NKAIN2: variants seen among roughly 807,000 people sequenced by gnomAD.
NKAIN2 encodes sodium/potassium transporting ATPase interacting 2.
A neutral mutation model predicts 32.6 loss-of-function variants in NKAIN2; 14 were observed. The ratio of observed to expected loss-of-function variants is 0.43; its 90% CI spans 0.28 to 0.67. The LOEUF is 0.67. NKAIN2 is among the 30% of genes least tolerant of loss of function. The pLI, the probability that NKAIN2 is intolerant of heterozygous loss-of-function variation, is 0.17. For synonymous variants in NKAIN2, 80 were observed against 87.2 expected (o/e 0.92, Z 0.46); for missense variants, 198 against 258.3 (o/e 0.77, Z 1.60).
chr6:124,543,865 G>A (rs1458051324), intron 3 of NKAIN2, among the ~76,000 whole-genome samples: 1 of 152,126 alleles, frequency 6.6e-6, no homozygotes, highest in African/African-American at 2.4e-5. Context: ...GCTAATATCT[G>A]ACTTGCCTAT....
At chr6:124,801,089 G>A (rs971784215) in intron 5 of NKAIN2, among the ~76,000 whole-genome samples, 14 of 152,040 alleles carry the variant, frequency 9.2e-5, no homozygotes, top group African/African-American at 2.4e-4. Context: ...CCGTCACCCC[G>A]ACTGTCCTAT....
chr6:124,366,966 T>G (rs1214261644), intron 3 of NKAIN2, among the ~76,000 whole-genome samples: 1 of 151,768 alleles, frequency 6.6e-6, no homozygotes, highest in African/African-American at 2.4e-5. Context: ...TTTAAAATGC[T>G]GAATAACTCT....
rs979502534 is a variant in NKAIN2 at position 124,098,683 on chromosome 6, A to C, written c.55-184322A>C. On this transcript the variant is annotated intron_variant, in intron 1 of 6. Transcript: ENST00000368417. ...CAGGAATTTGAGACCAGCCTGGCCAATATGGTGAAACCTCATCTCTACTAA... is the reference window on the plus strand; with the variant it reads ...CAGGAATTTGAGACCAGCCTGGCCACTATGGTGAAACCTCATCTCTACTAA... 2.6e-5 allele frequency among the ~76,000 whole-genome samples: 4 copies of C among 152,208 alleles called. No homozygotes were observed. The East Asian group carries it at 7.7e-4, about 29-fold the overall frequency.
chr6:124,323,477 T>A (rs933232877), intron 2 of NKAIN2, among the ~76,000 whole-genome samples: 6 of 152,196 alleles, frequency 3.9e-5, no homozygotes, highest in Non-Finnish European at 1.5e-5. Flanking sequence ...GCATAAGATA[T>A]ACAGTTTAGG....
At chr6:124,059,352 A>G (rs542418217) in intron 1 of NKAIN2, among the ~76,000 whole-genome samples, 14 of 152,132 alleles carry the variant, frequency 9.2e-5, no homozygotes, top group African/African-American at 3.4e-4. Context: ...TTCTGTTCCA[A>G]TAAGATACCA....
At chr6:124,410,001 C>G (rs1333423021) in intron 3 of NKAIN2, among the ~76,000 whole-genome samples, 1 of 152,170 alleles carries the variant, frequency 6.6e-6, no homozygotes, top group African/African-American at 2.4e-5. Context: ...ATAGTATTCT[C>G]TGATGGTAGT....
chr6:124,580,938 A>C (rs145899065), intron 3 of NKAIN2, among the ~76,000 whole-genome samples: 263 of 152,314 alleles, frequency 1.7e-3, no homozygotes, highest in African/African-American at 6.0e-3. Context: ...AAAATAGACA[A>C]AGAAGGTCAT....
At chr6:124,623,483 C>T (rs1045901689) in intron 3 of NKAIN2, among the ~76,000 whole-genome samples, 1 of 152,064 alleles carries the variant, frequency 6.6e-6, no homozygotes, top group Non-Finnish European at 1.5e-5. Flanking sequence ...AAAGAAAAGG[C>T]ATAGTTCCAC....
Position 124,812,733 on chromosome 6 carries a change from C to CT in NKAIN2, c.536-5644dup, listed in dbSNP as rs55927751. ...AGCCAAACACCAACTCCCTTTTGAC[C>CT]TTTTTTTTTTCTTTAAAAGCAGCAA... On this transcript the variant is annotated intron_variant, in intron 5 of 6. Coordinates refer to ENST00000368417, the MANE Select transcript of NKAIN2 (RefSeq NM_001040214.3). Among the ~76,000 whole-genome samples the CT allele has an allele frequency of 6.2e-3, 925 of 149,754 alleles. 7 individuals carry two copies. The highest frequency in any genetic ancestry group is 0.035 in the Middle Eastern group (10 of 286).
chr6:123,905,527 TTC>T (rs1430611917), intron 1 of NKAIN2, among the ~76,000 whole-genome samples: 3 of 149,876 alleles, frequency 2.0e-5, no homozygotes, highest in African/African-American at 7.6e-5. Context: ...TTGAAAAGAG[TTC>T]AGAACAAAAG....
chr6:124,742,682 CACAA>C (rs1234317658), intron 4 of NKAIN2, among the ~76,000 whole-genome samples: 3 of 151,810 alleles, frequency 2.0e-5, no homozygotes, highest in Non-Finnish European at 2.9e-5. Context: ...ACTCCTCTGT[CACAA>C]ACATATTGTG....
intron 1 of NKAIN2, among the ~76,000 whole-genome samples, chr6:124,076,997 A>G (rs1582594727): frequency 1.4e-5 from 2 of 147,208 alleles, no homozygotes; most frequent in Admixed American, 6.6e-5. Flanking sequence ...CTTTATAACT[A>G]TTTTTTAGAT....
chr6:124,479,893 C>A (rs1281057880), intron 3 of NKAIN2, among the ~76,000 whole-genome samples: 2 of 151,704 alleles, frequency 1.3e-5, no homozygotes, highest in Admixed American at 6.6e-5. Flanking sequence ...ATGTATTAGA[C>A]CTAATTAGAA....
At chr6:124,766,921 T>A (rs1778538465) in intron 4 of NKAIN2, among the ~76,000 whole-genome samples, 1 of 152,070 alleles carries the variant, frequency 6.6e-6, no homozygotes, top group Non-Finnish European at 1.5e-5. Flanking sequence ...TTTGACGGAG[T>A]TTTGCTCTTG....
chr6:124,187,349 C>T (rs1388390774), intron 1 of NKAIN2, among the ~76,000 whole-genome samples: 4 of 152,110 alleles, frequency 2.6e-5, no homozygotes, highest in Non-Finnish European at 4.4e-5. Context: ...TTCTGACTCT[C>T]AAATGTCATG....
At chr6:124,146,444 G>A (rs1787405414) in intron 1 of NKAIN2, among the ~76,000 whole-genome samples, 1 of 152,122 alleles carries the variant, frequency 6.6e-6, no homozygotes. Flanking sequence ...TGGAATTCAT[G>A]TACCATTGGG....
At chr6:124,214,004 C>G (rs1791327022) in intron 1 of NKAIN2, among the ~76,000 whole-genome samples, 1 of 152,168 alleles carries the variant, frequency 6.6e-6, no homozygotes, top group Admixed American at 6.6e-5. Flanking sequence ...GTACTATTCA[C>G]AATATAATGA....
intron 3 of NKAIN2, among the ~76,000 whole-genome samples, chr6:124,634,381 G>A (rs1400958323): frequency 6.6e-6 from 1 of 152,064 alleles, no homozygotes; most frequent in Non-Finnish European, 1.5e-5. Context: ...ATCTGACTGA[G>A]AAATTCAACA....
rs9375316 is a variant in NKAIN2 at position 124,281,142 on chromosome 6, G to A, written c.55-1863G>A. On this transcript the variant is annotated intron_variant, in intron 1 of 6. Coordinates refer to ENST00000368417, the MANE Select transcript of NKAIN2 (RefSeq NM_001040214.3). ...GACTGATGTGTTTCATCCTCTATAC[G>A]TTTGCCCTGCTGTGTCCCCACAGTT... Among the ~76,000 whole-genome samples the A allele has an allele frequency of 5.9e-5, 9 of 152,110 alleles. No homozygotes were observed. In the East Asian group the frequency reaches 1.7e-3, roughly 29 times the overall value.
Sources: allele counts gnomAD v4.1 joint callset (sites outside exome capture counted in the v4.1 genomes callset), GRCh38; gene constraint gnomAD v4.1.1; transcripts MANE v1.5; gene names NCBI Gene and HGNC (gene_info 2026-07-23, HGNC 2026-07-21).